Variants in TMEM178B observed in about 807,000 individuals in gnomAD.
TMEM178B encodes the protein transmembrane protein 178B.
A neutral mutation model predicts 31.0 loss-of-function variants in TMEM178B; 5 were observed. The ratio of observed to expected loss-of-function variants is 0.16; its 90% CI spans 0.08 to 0.34. The LOEUF (loss-of-function observed/expected upper bound fraction) is 0.34, where lower values mean the gene tolerates loss of function less well. TMEM178B is among the 10% of genes least tolerant of loss of function. The pLI, the probability that TMEM178B is intolerant of heterozygous loss-of-function variation, is 1.00. For missense variants in TMEM178B, 275 were observed against 400.3 expected, an observed-to-expected ratio of 0.69 and a Z score of 2.67; for synonymous variants, 164 against 164.0, an observed-to-expected ratio of 1.00 and a Z score of 0.00.
At chr7:141,283,237 C>T (rs1015092242) in intron 2 of TMEM178B, among the ~76,000 whole-genome samples, 17 of 152,230 alleles carry the variant, frequency 1.1e-4, no homozygotes, top group African/African-American at 4.1e-4. Context: ...CTCTAACGTG[C>T]TCTCTGGCTG....
At chr7:141,138,855 G>A (rs1222920527) in intron 1 of TMEM178B, among the ~76,000 whole-genome samples, 6 of 151,824 alleles carry the variant, frequency 4.0e-5, no homozygotes, top group African/African-American at 1.4e-4. Flanking sequence ...GTGGTGGCAC[G>A]TGCCTGTAAT....
intron 2 of TMEM178B, among the ~76,000 whole-genome samples, chr7:141,278,513 G>A (rs1798303371): frequency 6.8e-6 from 1 of 146,836 alleles, no homozygotes; most frequent in Non-Finnish European, 1.5e-5. Context: ...AACTCGGGAG[G>A]CGGAGGTTGT....
intron 1 of TMEM178B, among the ~76,000 whole-genome samples, chr7:141,106,381 A>C (rs969472856): frequency 6.6e-6 from 1 of 152,328 alleles, no homozygotes; most frequent in African/African-American, 2.4e-5. Flanking sequence ...AAACACATAG[A>C]TATATTACAG....
intron 1 of TMEM178B, among the ~76,000 whole-genome samples, chr7:141,126,634 C>G (rs1481251398): frequency 6.6e-6 from 1 of 152,216 alleles, no homozygotes; most frequent in East Asian, 1.9e-4. Context: ...ATCAGTGATG[C>G]TTTTTGATCA....
intron 2 of TMEM178B, among the ~76,000 whole-genome samples, chr7:141,296,730 C>G (rs1798640963): frequency 6.6e-6 from 1 of 152,214 alleles, no homozygotes. Flanking sequence ...GTGGTGACAT[C>G]TTGCATCACT....
intron 2 of TMEM178B, among the ~76,000 whole-genome samples, chr7:141,374,060 A>G (rs1800167335): frequency 6.6e-6 from 1 of 152,164 alleles, no homozygotes; most frequent in East Asian, 1.9e-4. Flanking sequence ...GAGAAAGCTT[A>G]GATCCACCCT....
the TMEM178B span, among the ~76,000 whole-genome samples, chr7:141,493,154 G>T: frequency 2.0e-5 from 3 of 152,128 alleles, no homozygotes; most frequent in African/African-American, 7.2e-5. Flanking sequence ...TCCTCTGCAG[G>T]TTGTCTGTGT....
chr7:141,119,908 G>T (rs1795382479), intron 1 of TMEM178B, among the ~76,000 whole-genome samples: 2 of 152,218 alleles, frequency 1.3e-5, no homozygotes, highest in African/African-American at 2.4e-5. Context: ...ATCACCATGG[G>T]ATTAAAAGTG....
chr7:141,266,455 C>T (rs376020277), intron 2 of TMEM178B, among the ~76,000 whole-genome samples: 74 of 152,298 alleles, frequency 4.9e-4, no homozygotes, highest in South Asian at 4.6e-3. Context: ...ATGTTGTACA[C>T]TCTGAGCTGT....
intron 1 of TMEM178B, among the ~76,000 whole-genome samples, chr7:141,114,558 T>C (rs1795288360): frequency 1.3e-5 from 2 of 152,230 alleles, no homozygotes; most frequent in African/African-American, 4.8e-5. Flanking sequence ...GAATAGGAGC[T>C]GGTGGTAAAA....
chr7:141,292,701 G>T (rs1481637000), intron 2 of TMEM178B, among the ~76,000 whole-genome samples: 2 of 145,082 alleles, frequency 1.4e-5, no homozygotes, highest in Non-Finnish European at 3.0e-5. Context: ...ACACTGGTGC[G>T]ACCTCGGCTC....
intron 2 of TMEM178B, among the ~76,000 whole-genome samples, chr7:141,397,520 A>G (rs1401474028): frequency 6.6e-6 from 1 of 152,156 alleles, no homozygotes; most frequent in Non-Finnish European, 1.5e-5. Context: ...AACTTGGAAC[A>G]CATTTTCTGA....
intron 2 of TMEM178B, among the ~76,000 whole-genome samples, chr7:141,354,440 C>T (rs1242494624): frequency 2.0e-5 from 3 of 147,886 alleles, no homozygotes; most frequent in African/African-American, 7.4e-5. Flanking sequence ...TCAAATTTGG[C>T]ACAGCAGACA....
intron 1 of TMEM178B, among the ~76,000 whole-genome samples, chr7:141,124,526 C>T (rs1795458876): frequency 6.6e-6 from 1 of 152,188 alleles, no homozygotes; most frequent in African/African-American, 2.4e-5. Flanking sequence ...GTTGCCTCGA[C>T]TGTAAGCTCT....
chr7:141,483,579 C>T (rs1201696646), downstream of TMEM178B, among the ~76,000 whole-genome samples: 2 of 152,106 alleles, frequency 1.3e-5, no homozygotes, highest in Non-Finnish European at 2.9e-5. Context: ...ACAGGTATTC[C>T]AACACCTCTG....
chr7:141,340,957 C>T (rs910883760), intron 2 of TMEM178B, among the ~76,000 whole-genome samples: 5 of 151,934 alleles, frequency 3.3e-5, no homozygotes, highest in South Asian at 4.2e-4. Flanking sequence ...TGAAACTCAC[C>T]GCTCCCTTCC....
intron 2 of TMEM178B, among the ~76,000 whole-genome samples, chr7:141,225,684 C>G (rs938843327): frequency 6.6e-6 from 1 of 152,186 alleles, no homozygotes; most frequent in African/African-American, 2.4e-5. Context: ...ATCTCTGCCC[C>G]CTACCCCAGC....
chr7:141,377,177 A>ATTTAT (rs1372497638), intron 2 of TMEM178B, among the ~76,000 whole-genome samples: 1 of 150,332 alleles, frequency 6.7e-6, no homozygotes, highest in Non-Finnish European at 1.5e-5. Flanking sequence ...TTATTTATTT[A>ATTTAT]TTTATTTATT....
intron 2 of TMEM178B, among the ~76,000 whole-genome samples, chr7:141,436,838 T>C (rs1177726137): frequency 6.6e-6 from 1 of 152,082 alleles, no homozygotes; most frequent in Non-Finnish European, 1.5e-5. Context: ...CTCCTGGAGC[T>C]GATGGGTTAG....
Sources: gnomAD v4.1 joint callset for allele counts (sites outside exome capture counted in the v4.1 genomes callset) on GRCh38, gnomAD v4.1.1 for gene constraint, MANE v1.5 for transcripts, NCBI Gene and HGNC (gene_info 2026-07-23, HGNC 2026-07-21) for gene names.